CTNNA2: variants seen among roughly 807,000 people sequenced by gnomAD.
The protein encoded by CTNNA2 is catenin alpha 2.
A neutral mutation model predicts 101.0 loss-of-function variants in CTNNA2; 42 were observed. The observed-to-expected ratio is 0.42, with a 90% CI of 0.32 to 0.54. CTNNA2 has a LOEUF of 0.54. Among genes scored for constraint, CTNNA2 ranks in the 20% least tolerant of loss-of-function variants. CTNNA2 has a pLI of 0.14. For synonymous variants in CTNNA2, 450 were observed against 456.4 expected (o/e 0.99, Z 0.18); for missense variants, 871 against 1,223.1 (o/e 0.71, Z 4.29).
chr2:79,994,925 C>T (rs1692439801), intron 7 of CTNNA2, among the ~76,000 whole-genome samples: 1 of 152,128 alleles, frequency 6.6e-6, no homozygotes, highest in Admixed American at 6.6e-5. Flanking sequence ...TAAATTCAAG[C>T]CACTGACTGA....
intron 2 of CTNNA2, among the ~76,000 whole-genome samples, chr2:79,719,777 G>T (rs1358884357): frequency 6.6e-6 from 1 of 151,804 alleles, no homozygotes; most frequent in Non-Finnish European, 1.5e-5. Flanking sequence ...ACTTCCTTAT[G>T]TATTCTGGAT....
intron 7 of CTNNA2, among the ~76,000 whole-genome samples, chr2:80,175,734 A>G (rs1705354595): frequency 6.6e-6 from 1 of 152,222 alleles, no homozygotes; most frequent in Admixed American, 6.5e-5. Context: ...GGAGCAAGGA[A>G]TCCAGTCTGA....
chr2:79,250,286 C>T (rs757060349), intron 2 of CTNNA2, among the ~76,000 whole-genome samples: 1 of 152,012 alleles, frequency 6.6e-6, no homozygotes, highest in African/African-American at 2.4e-5. Context: ...CCTCAAAAAG[C>T]AAGCCTTTTC....
At chr2:79,471,291 A>T (rs1349911688) in intron 4 of CTNNA2, among the ~76,000 whole-genome samples, 1 of 152,172 alleles carries the variant, frequency 6.6e-6, no homozygotes. Context: ...TAAAAATACT[A>T]TAGTCTTAGT....
intron 2 of CTNNA2, among the ~76,000 whole-genome samples, chr2:79,714,919 G>A (rs1189280905): frequency 1.3e-5 from 2 of 151,776 alleles, no homozygotes; most frequent in African/African-American, 4.8e-5. Flanking sequence ...GGACGAGCGC[G>A]GTAGCTCACG....
intron 7 of CTNNA2, among the ~76,000 whole-genome samples, chr2:80,340,959 G>A (rs1158856586): frequency 2.0e-5 from 3 of 152,078 alleles, no homozygotes; most frequent in Non-Finnish European, 4.4e-5. Context: ...TAGAAGTCAG[G>A]AAGGCATTTA....
intron 3 of CTNNA2, among the ~76,000 whole-genome samples, chr2:79,798,031 C>A (rs1316169350): frequency 6.6e-6 from 1 of 152,118 alleles, no homozygotes; most frequent in African/African-American, 2.4e-5. Flanking sequence ...ATCACCCAGT[C>A]TGCTGGTTCT....
intron 7 of CTNNA2, among the ~76,000 whole-genome samples, chr2:79,974,344 T>C (rs879445192): frequency 1.2e-4 from 19 of 152,146 alleles, no homozygotes; most frequent in Non-Finnish European, 2.6e-4. Flanking sequence ...AATGGGTTTA[T>C]GTGGAATCCT....
At chr2:80,424,236 G>A (rs529107355) in intron 9 of CTNNA2, among the ~76,000 whole-genome samples, 2 of 152,268 alleles carry the variant, frequency 1.3e-5, no homozygotes, top group South Asian at 4.1e-4. Flanking sequence ...TTACAGGCGT[G>A]AGCCACCGTG....
chr2:79,394,844 T>C (rs534485628), intron 4 of CTNNA2, among the ~76,000 whole-genome samples: 22 of 152,312 alleles, frequency 1.4e-4, no homozygotes, highest in African/African-American at 5.1e-4. Flanking sequence ...GCCTTGTTTA[T>C]GGGTCCTGAG....
chr2:79,473,022 A>G (rs1451858294), intron 4 of CTNNA2, among the ~76,000 whole-genome samples: 7 of 152,166 alleles, frequency 4.6e-5, no homozygotes, highest in Non-Finnish European at 7.3e-5. Flanking sequence ...TTCCAATAAT[A>G]ATGTCACTTG....
At chr2:80,218,984 C>T (rs1231743186) in intron 7 of CTNNA2, among the ~76,000 whole-genome samples, 2 of 152,068 alleles carry the variant, frequency 1.3e-5, no homozygotes, top group Non-Finnish European at 2.9e-5. Flanking sequence ...TGCTAAGGAT[C>T]CACAACCAGA....
At chr2:80,608,156 T>A (rs1339922792) in intron 16 of CTNNA2, 28 bp from the exon 17 acceptor site, 2 of 1,587,560 alleles carry the variant, frequency 1.3e-6, no homozygotes, top group Admixed American at 3.4e-5. Context: ...TACTTACTAA[T>A]CAAGATCACT....
At chr2:80,006,664 C>CT (rs1693375715) in intron 7 of CTNNA2, among the ~76,000 whole-genome samples, 1 of 152,142 alleles carries the variant, frequency 6.6e-6, no homozygotes, top group Non-Finnish European at 1.5e-5. Flanking sequence ...AATGAAACAT[C>CT]TAACAGGAGA....
intron 7 of CTNNA2, among the ~76,000 whole-genome samples, chr2:79,991,071 G>T (rs1211797803): frequency 6.6e-6 from 1 of 152,136 alleles, no homozygotes; most frequent in Non-Finnish European, 1.5e-5. Flanking sequence ...TATAGGTGTT[G>T]ATAGTATTCT....
intron 7 of CTNNA2, among the ~76,000 whole-genome samples, chr2:79,988,466 A>ATGTGTATG (rs1335661428): frequency 6.7e-6 from 1 of 149,130 alleles, no homozygotes; most frequent in East Asian, 2.0e-4. Flanking sequence ...GTGTATGTGT[A>ATGTGTATG]TGTGTGTGTG....
At chr2:80,179,829 C>T (rs1243007907) in intron 7 of CTNNA2, among the ~76,000 whole-genome samples, 1 of 152,174 alleles carries the variant, frequency 6.6e-6, no homozygotes, top group Non-Finnish European at 1.5e-5. Flanking sequence ...TAGCCGTCAT[C>T]TTACCAGTCA....
chr2:80,648,130 A>G lies in CTNNA2; in HGVS notation c.*258A>G, dbSNP rs2149875075. On this transcript the variant is annotated 3_prime_UTR_variant, in exon 19 of 19. Coordinates refer to ENST00000402739, the MANE Select transcript of CTNNA2 (RefSeq NM_001282597.3). ...AACATTCTCATAAAATTGGGCACAG[A>G]GTTCGCATTGGCGCAATATTTATGG... is the stretch of plus-strand genomic sequence containing the variant. The G allele has an allele frequency of 3.4e-6, 1 of 293,820 alleles. No individual in the cohort carries two copies. Among genetic ancestry groups the G allele is most frequent in the South Asian group, 1.0e-4 (1 of 9,940 alleles). 18.2% of individuals were successfully genotyped at this position (293,820 alleles called of 1,614,324 possible).
intron 7 of CTNNA2, among the ~76,000 whole-genome samples, chr2:79,982,210 A>ATATATATATC (rs1691340800): frequency 3.4e-5 from 1 of 29,188 alleles, no homozygotes; most frequent in East Asian, 8.9e-4. Context: ...ATATATATAT[A>ATATATATATC]TATATATATA....
Sources: gnomAD v4.1 joint callset for allele counts (sites outside exome capture counted in the v4.1 genomes callset) on GRCh38, gnomAD v4.1.1 for gene constraint, MANE v1.5 for transcripts, NCBI Gene and HGNC (gene_info 2026-07-23, HGNC 2026-07-21) for gene names.